Variants in RAD51 observed in about 807,000 individuals in gnomAD.
The protein encoded by RAD51 is DNA repair protein RAD51 homolog 1.
A neutral mutation model predicts 41.5 loss-of-function variants in RAD51; 14 were observed. The ratio of observed to expected loss-of-function variants is 0.34; its 90% CI spans 0.22 to 0.53. The LOEUF (loss-of-function observed/expected upper bound fraction) is 0.53, where lower values mean the gene tolerates loss of function less well. Ranked by LOEUF, RAD51 falls within the 20% of genes least tolerant of loss-of-function variation. RAD51 has a pLI of 0.95. For missense variants in RAD51, 234 were observed against 422.0 expected (o/e 0.55, Z 3.90); for synonymous variants, 136 against 148.6 (o/e 0.92, Z 0.62).
chr15:40,702,817 T>C (rs974425459), intron 3 of RAD51, among the ~76,000 whole-genome samples: 5 of 106,106 alleles, frequency 4.7e-5, no homozygotes, highest in African/African-American at 9.0e-5. Context: ...TGTGCCCACC[T>C]TTTTTTTTTT....
At chr15:40,719,213 A>G (rs922939686) in intron 6 of RAD51, among the ~76,000 whole-genome samples, 2 of 151,770 alleles carry the variant, frequency 1.3e-5, no homozygotes, top group Non-Finnish European at 2.9e-5. Flanking sequence ...GCACACCACC[A>G]CACCCAGCTA....
chr15:40,715,668 A>G (rs1895952534), intron 5 of RAD51, among the ~76,000 whole-genome samples: 1 of 152,172 alleles, frequency 6.6e-6, no homozygotes, highest in Non-Finnish European at 1.5e-5. Context: ...CAGAGCATGC[A>G]ATCCATCCCC....
intron 3 of RAD51, among the ~76,000 whole-genome samples, chr15:40,704,320 T>C (rs2141826490): frequency 6.7e-6 from 1 of 150,126 alleles, no homozygotes; most frequent in Admixed American, 6.7e-5. Context: ...TGCCTCAGCC[T>C]CCCAAAGTGC....
chr15:40,695,837 A>G (rs1410467332), intron 1 of RAD51: 2 of 152,196 alleles, frequency 1.3e-5, no homozygotes, highest in Non-Finnish European at 1.5e-5. Context: ...AACCATTCAC[A>G]TGATGCCTAG....
chr15:40,718,516 G>GAA (rs57006094), intron 5 of RAD51, among the ~76,000 whole-genome samples: 4 of 138,162 alleles, frequency 2.9e-5, no homozygotes, highest in Admixed American at 7.2e-5. Flanking sequence ...ACTATCGCAA[G>GAA]AAAAAAAAAA....
chr15:40,711,795 CTG>C (rs1365978265), intron 5 of RAD51, among the ~76,000 whole-genome samples: 3 of 152,140 alleles, frequency 2.0e-5, no homozygotes, highest in Non-Finnish European at 2.9e-5. Context: ...ATACATCAAA[CTG>C]GGCATGATAG....
At chr15:40,718,356 A>G (rs1350121205) in intron 5 of RAD51, among the ~76,000 whole-genome samples, 1 of 152,128 alleles carries the variant, frequency 6.6e-6, no homozygotes, top group Non-Finnish European at 1.5e-5. Context: ...TGTTTCTACT[A>G]AAAATACAAA....
chr15:40,704,278 A>G (rs1895186223), intron 3 of RAD51, among the ~76,000 whole-genome samples: 1 of 150,184 alleles, frequency 6.7e-6, no homozygotes, highest in Non-Finnish European at 1.5e-5. Flanking sequence ...GTTAGCCAGG[A>G]TGGTCTTGAT....
intron 6 of RAD51, 41 bp from the exon 7 acceptor site, chr15:40,728,670 G>C (rs926428689): frequency 1.3e-5 from 20 of 1,540,236 alleles, no homozygotes; most frequent in Non-Finnish European, 1.8e-5. Context: ...ATCTGCCTGA[G>C]TTCTGTGTGC....
intron 6 of RAD51, among the ~76,000 whole-genome samples, chr15:40,725,632 G>T (rs1896541476): frequency 6.6e-6 from 1 of 152,178 alleles, no homozygotes; most frequent in Admixed American, 6.6e-5. Flanking sequence ...CAAATTGTCT[G>T]ATGGGACTTC....
intron 4 of RAD51, among the ~76,000 whole-genome samples, chr15:40,707,725 T>C (rs1405321977): frequency 6.6e-6 from 1 of 152,014 alleles, no homozygotes; most frequent in Non-Finnish European, 1.5e-5. Flanking sequence ...GGTTTGTTTG[T>C]TTGTTTTTTA....
chr15:40,714,702 G>C (rs1895899064), intron 5 of RAD51, among the ~76,000 whole-genome samples: 1 of 152,168 alleles, frequency 6.6e-6, no homozygotes, highest in Admixed American at 6.5e-5. Flanking sequence ...GATATAGAGA[G>C]GATGTTAGAC....
At chr15:40,708,016 T>A (rs1362443713) in intron 4 of RAD51, among the ~76,000 whole-genome samples, 1 of 142,450 alleles carries the variant, frequency 7.0e-6, no homozygotes, top group Non-Finnish European at 1.5e-5. Context: ...GTGCCCAGCT[T>A]TTTTTTTTTT....
chr15:40,724,674 C>G lies in RAD51; in HGVS notation c.531-4037C>G, dbSNP rs74375772. Among the ~76,000 whole-genome samples, 547 of 94,304 alleles carry G rather than the reference C, an allele frequency of 5.8e-3. 18 individuals are homozygous for G. Among genetic ancestry groups the G allele is most frequent in the Middle Eastern group, 0.014 (2 of 142 alleles). The allele number at this position is 94,304 out of a possible 152,430, so 61.9% of individuals were successfully genotyped here. ...CCAAGCCCAGCTAATTTTTTTATTT[C>G]TTTTTTTTTTTTTTTTTTTTTTTGA... On this transcript the variant is annotated intron_variant, in intron 6 of 9. Coordinates refer to ENST00000267868, the MANE Select transcript of RAD51 (RefSeq NM_002875.5).
intron 6 of RAD51, among the ~76,000 whole-genome samples, chr15:40,727,294 T>C (rs1442885820): frequency 6.6e-6 from 1 of 151,012 alleles, no homozygotes; most frequent in Non-Finnish European, 1.5e-5. Flanking sequence ...ATTATATCAG[T>C]GTATTTTTTT....
intron 5 of RAD51, among the ~76,000 whole-genome samples, chr15:40,713,677 G>T (rs1369851842): frequency 5.5e-5 from 8 of 145,970 alleles, no homozygotes; most frequent in Non-Finnish European, 1.2e-4. Flanking sequence ...TGCCATCTCT[G>T]CTCACTGCAA....
chr15:40,713,373 C>G (rs1011121658), intron 5 of RAD51, among the ~76,000 whole-genome samples: 2 of 150,746 alleles, frequency 1.3e-5, no homozygotes, highest in African/African-American at 4.9e-5. Context: ...GCCTCCCAAA[C>G]TGGGATTACA....
At chr15:40,700,082 G>A (rs1362499091) in intron 2 of RAD51, among the ~76,000 whole-genome samples, 5 of 152,158 alleles carry the variant, frequency 3.3e-5, no homozygotes, top group Non-Finnish European at 7.3e-5. Flanking sequence ...ACTCAAACAT[G>A]CATATTGCTT....
At chr15:40,697,079 A>C (rs1894686051) in intron 1 of RAD51, among the ~76,000 whole-genome samples, 1 of 151,942 alleles carries the variant, frequency 6.6e-6, no homozygotes, top group Admixed American at 6.6e-5. Context: ...TGCTGAATTT[A>C]TTTTTTTATT....
Sources: gnomAD v4.1 joint callset for allele counts (sites outside exome capture counted in the v4.1 genomes callset) on GRCh38, gnomAD v4.1.1 for gene constraint, MANE v1.5 for transcripts, NCBI Gene and HGNC (gene_info 2026-07-23, HGNC 2026-07-21) for gene names.